Variants in TMEM132C observed in about 807,000 individuals in gnomAD.
TMEM132C encodes protein phosphatase 1, regulatory subunit 152.
Under a neutral mutation model 61.4 loss-of-function variants are expected in TMEM132C, and 29 were observed. That is an observed-to-expected ratio of 0.47 (90% CI 0.35 to 0.64). TMEM132C has a LOEUF of 0.64. TMEM132C is among the 30% of genes least tolerant of loss of function. TMEM132C has a pLI of 0.00. For missense variants in TMEM132C, 1,408 were observed against 1,476.9 expected, an observed-to-expected ratio of 0.95 and a Z score of 0.76; for synonymous variants, 656 against 633.1, an observed-to-expected ratio of 1.04 and a Z score of -0.54.
intron 2 of TMEM132C, among the ~76,000 whole-genome samples, chr12:128,477,258 C>T (rs1417804460): frequency 1.3e-5 from 2 of 152,148 alleles, no homozygotes; most frequent in African/African-American, 4.8e-5. Flanking sequence ...ATGCACTTTG[C>T]ACTGTAAATA....
intron 1 of TMEM132C, among the ~76,000 whole-genome samples, chr12:128,290,229 T>G (rs1230552754): frequency 6.6e-6 from 1 of 151,908 alleles, no homozygotes; most frequent in Non-Finnish European, 1.5e-5. Flanking sequence ...AGGAAAGAGG[T>G]TTGGTTGACT....
intron 2 of TMEM132C, among the ~76,000 whole-genome samples, chr12:128,510,921 C>T (rs562868396): frequency 6.2e-4 from 95 of 152,304 alleles, no homozygotes; most frequent in Admixed American, 1.2e-3. Flanking sequence ...TGCTGTGTGC[C>T]GCTCACCCAC....
intron 5 of TMEM132C, among the ~76,000 whole-genome samples, chr12:128,688,139 C>A (rs907287878): frequency 6.6e-6 from 1 of 152,232 alleles, no homozygotes; most frequent in Non-Finnish European, 1.5e-5. Context: ...AGTTGCTGGA[C>A]AGTGGCCTCT....
At chr12:128,633,104 C>A (rs1484492840) in intron 4 of TMEM132C, among the ~76,000 whole-genome samples, 1 of 152,146 alleles carries the variant, frequency 6.6e-6, no homozygotes, top group Admixed American at 6.5e-5. Flanking sequence ...GAAGGCTTGA[C>A]TGGGACTGGA....
chr12:128,341,952 T>A (rs1181915859), intron 1 of TMEM132C, among the ~76,000 whole-genome samples: 1 of 152,010 alleles, frequency 6.6e-6, no homozygotes, highest in Admixed American at 6.6e-5. Context: ...CTTCTCTCTC[T>A]TTCCACTACC....
chr12:128,325,724 G>A (rs901830051), intron 1 of TMEM132C, among the ~76,000 whole-genome samples: 9 of 152,050 alleles, frequency 5.9e-5, no homozygotes, highest in Non-Finnish European at 1.2e-4. Context: ...TTTCCAGTTC[G>A]GGGCTTTCAC....
At chr12:128,321,146 A>T (rs1234781041) in intron 1 of TMEM132C, among the ~76,000 whole-genome samples, 2 of 142,628 alleles carry the variant, frequency 1.4e-5, no homozygotes, top group East Asian at 2.0e-4. Context: ...AAAAATAATA[A>T]TAATAATAAT....
chr12:128,634,406 T>C (rs747257776), intron 4 of TMEM132C, among the ~76,000 whole-genome samples: 19 of 152,238 alleles, frequency 1.2e-4, no homozygotes, highest in Non-Finnish European at 2.5e-4. Context: ...AACCAAAAAG[T>C]AAGGAGACGG....
chr12:128,676,713 T>G (rs1016591531), intron 5 of TMEM132C, among the ~76,000 whole-genome samples: 4 of 152,166 alleles, frequency 2.6e-5, no homozygotes, highest in African/African-American at 4.8e-5. Flanking sequence ...TCAACACACA[T>G]GTATAAGGGC....
At chr12:128,419,174 G>T (rs1376217204) in intron 2 of TMEM132C, among the ~76,000 whole-genome samples, 4 of 152,032 alleles carry the variant, frequency 2.6e-5, no homozygotes, top group African/African-American at 9.7e-5. Flanking sequence ...AGTTAGTACA[G>T]CCTCCAAGAC....
chr12:128,334,839 G>C (rs1028198914), intron 1 of TMEM132C, among the ~76,000 whole-genome samples: 13 of 152,138 alleles, frequency 8.5e-5, no homozygotes, highest in African/African-American at 2.7e-4. Flanking sequence ...CTTGTGATCT[G>C]CCCGCTTCAG....
At chr12:128,355,900 G>A (rs776367758) in intron 1 of TMEM132C, among the ~76,000 whole-genome samples, 12 of 152,036 alleles carry the variant, frequency 7.9e-5, no homozygotes, top group Non-Finnish European at 1.8e-4. Context: ...CAGCCCCCTG[G>A]CACTCTTTAC....
chr12:128,560,828 T>A (rs963845715), intron 3 of TMEM132C, among the ~76,000 whole-genome samples: 1 of 152,206 alleles, frequency 6.6e-6, no homozygotes, highest in Non-Finnish European at 1.5e-5. Context: ...AGTTTACAGA[T>A]GAAGAAATGG....
chr12:128,477,779 A>C (rs1871197957), intron 2 of TMEM132C, among the ~76,000 whole-genome samples: 1 of 152,134 alleles, frequency 6.6e-6, no homozygotes, highest in South Asian at 2.1e-4. Flanking sequence ...ACAGGGTTTC[A>C]CCATATTGGC....
chr12:128,457,070 G>T (rs920996386), intron 2 of TMEM132C, among the ~76,000 whole-genome samples: 1 of 151,948 alleles, frequency 6.6e-6, no homozygotes, highest in Admixed American at 6.6e-5. Flanking sequence ...CTCCAGTTTG[G>T]GCTATTATGC....
At chr12:128,354,335 T>C (rs1713636) in intron 1 of TMEM132C, among the ~76,000 whole-genome samples, 146,011 of 151,774 alleles carry the variant, frequency 0.96, 70,250 homozygotes, top group East Asian at 1. Context: ...TCACTTCCTT[T>C]CTTCTCTTTC....
At chr12:128,397,367 G>A (rs1276006668) in intron 1 of TMEM132C, among the ~76,000 whole-genome samples, 1 of 152,114 alleles carries the variant, frequency 6.6e-6, no homozygotes, top group Non-Finnish European at 1.5e-5. Flanking sequence ...GCCTTTTTTT[G>A]TGGTTTGTGA....
intron 2 of TMEM132C, among the ~76,000 whole-genome samples, chr12:128,420,097 G>A (rs1438424312): frequency 6.6e-6 from 1 of 152,156 alleles, no homozygotes; most frequent in Non-Finnish European, 1.5e-5. Context: ...TTGGGAGGCT[G>A]AGGCAGGAGA....
intron 4 of TMEM132C, among the ~76,000 whole-genome samples, chr12:128,649,645 G>T (rs1484499999): frequency 6.6e-6 from 1 of 152,128 alleles, no homozygotes; most frequent in Non-Finnish European, 1.5e-5. Context: ...CAGTAAAGAG[G>T]TTATCACTTT....
Sources: allele counts gnomAD v4.1 joint callset (sites outside exome capture counted in the v4.1 genomes callset), GRCh38; gene constraint gnomAD v4.1.1; transcripts MANE v1.5; gene names NCBI Gene and HGNC (gene_info 2026-07-23, HGNC 2026-07-21).